GPC6: variants seen among roughly 807,000 people sequenced by gnomAD.
The protein encoded by GPC6 is glypican-6.
GPC6 carries 14 observed loss-of-function variants against 55.2 expected under a neutral mutation model. That is an observed-to-expected ratio of 0.25 (90% CI 0.17 to 0.40). GPC6 has a LOEUF of 0.40. Ranked by LOEUF, GPC6 falls within the 10% of genes least tolerant of loss-of-function variation. The pLI is 1.00. For synonymous variants in GPC6, 278 were observed against 259.6 expected (o/e 1.07, Z -0.68); for missense variants, 641 against 708.5 (o/e 0.90, Z 1.08).
At chr13:94,085,940 A>T (rs1885266208) in intron 4 of GPC6, among the ~76,000 whole-genome samples, 1 of 152,148 alleles carries the variant, frequency 6.6e-6, no homozygotes. Flanking sequence ...TTACTCCTTA[A>T]CTCTCAAAGA....
At chr13:93,909,690 A>G (rs1189415347) in intron 3 of GPC6, among the ~76,000 whole-genome samples, 2 of 149,050 alleles carry the variant, frequency 1.3e-5, no homozygotes, top group Non-Finnish European at 3.0e-5. Flanking sequence ...GTACTCAGAT[A>G]TATTGAATGG....
intron 2 of GPC6, among the ~76,000 whole-genome samples, chr13:93,812,096 C>T (rs1381588494): frequency 1.5e-5 from 2 of 131,874 alleles, no homozygotes; most frequent in East Asian, 2.3e-4. Flanking sequence ...GGGCTGGGTA[C>T]GTTGGCTCAC....
At chr13:93,983,347 G>C (rs755150060) in intron 3 of GPC6, among the ~76,000 whole-genome samples, 1 of 152,106 alleles carries the variant, frequency 6.6e-6, no homozygotes, top group Non-Finnish European at 1.5e-5. Context: ...GATGCTGAGG[G>C]TTGATAACTG....
intron 6 of GPC6, among the ~76,000 whole-genome samples, chr13:94,351,211 TAAAA>T (rs972197513): frequency 6.6e-6 from 1 of 151,804 alleles, no homozygotes; most frequent in African/African-American, 2.4e-5. Context: ...CTCGTAAAAA[TAAAA>T]AGTCATGAGG....
intron 1 of GPC6, among the ~76,000 whole-genome samples, chr13:93,381,586 A>G (rs1294133033): frequency 1.3e-5 from 2 of 152,166 alleles, no homozygotes. Flanking sequence ...TGAGGCATTT[A>G]TAAGGTAAAA....
chr13:94,323,734 C>T (rs1876965555), intron 6 of GPC6, among the ~76,000 whole-genome samples: 1 of 152,138 alleles, frequency 6.6e-6, no homozygotes, highest in Admixed American at 6.5e-5. Context: ...ACCCTTTAAA[C>T]TTATACAAAT....
intron 3 of GPC6, among the ~76,000 whole-genome samples, chr13:93,960,874 G>A (rs909343930): frequency 1.5e-4 from 22 of 148,098 alleles, no homozygotes; most frequent in Admixed American, 4.8e-4. Context: ...GTGCAGTGGC[G>A]CAATCTCGAC....
intron 4 of GPC6, among the ~76,000 whole-genome samples, chr13:94,267,336 C>T (rs145539947): frequency 4.6e-5 from 7 of 152,244 alleles, no homozygotes; most frequent in African/African-American, 1.7e-4. Context: ...TTAGTAAATA[C>T]GTACAGTCTA....
intron 4 of GPC6, among the ~76,000 whole-genome samples, chr13:94,070,846 C>A (rs926048339): frequency 1.3e-5 from 2 of 152,146 alleles, no homozygotes; most frequent in Non-Finnish European, 2.9e-5. Context: ...GCCTCTAGTG[C>A]GTCTCAACAA....
At chr13:94,350,049 T>C (rs1332710877) in intron 6 of GPC6, among the ~76,000 whole-genome samples, 1 of 151,848 alleles carries the variant, frequency 6.6e-6, no homozygotes, top group Non-Finnish European at 1.5e-5. Context: ...AGAAAAAATA[T>C]ATATATATAC....
At chr13:93,236,805 T>C (rs1393949063) in intron 1 of GPC6, among the ~76,000 whole-genome samples, 2 of 152,162 alleles carry the variant, frequency 1.3e-5, no homozygotes, top group East Asian at 1.9e-4. Flanking sequence ...CTCCCACTTA[T>C]TAGTGAAAAC....
intron 4 of GPC6, among the ~76,000 whole-genome samples, chr13:94,177,355 A>T (rs1888812860): frequency 6.6e-6 from 1 of 152,162 alleles, no homozygotes. Context: ...CAAGATAAAG[A>T]TACTGGGAAA....
At chr13:93,385,640 C>T (rs974746609) in intron 1 of GPC6, among the ~76,000 whole-genome samples, 17 of 152,260 alleles carry the variant, frequency 1.1e-4, no homozygotes, top group Admixed American at 5.2e-4. Flanking sequence ...TTGGAGAACA[C>T]GCCTTTCAGT....
chr13:94,040,426 C>T (rs552917248), intron 4 of GPC6, among the ~76,000 whole-genome samples: 137 of 151,944 alleles, frequency 9.0e-4, no homozygotes, highest in Admixed American at 1.8e-3. Flanking sequence ...ATACCAGTGA[C>T]GTTTTTTGAA....
At chr13:93,327,294 A>G (rs560988261) in intron 1 of GPC6, among the ~76,000 whole-genome samples, 41 of 152,258 alleles carry the variant, frequency 2.7e-4, no homozygotes, top group African/African-American at 6.7e-4. Flanking sequence ...CTGCTTTTCC[A>G]GTGTGGTTAT....
intron 1 of GPC6, among the ~76,000 whole-genome samples, chr13:93,244,938 A>G (rs1020219233): frequency 6.6e-6 from 1 of 152,098 alleles, no homozygotes; most frequent in African/African-American, 2.4e-5. Flanking sequence ...CAAAAAAAAA[A>G]CTTCATAATC....
chr13:94,325,543 T>G (rs1441762317), intron 6 of GPC6, among the ~76,000 whole-genome samples: 1 of 152,212 alleles, frequency 6.6e-6, no homozygotes, highest in Non-Finnish European at 1.5e-5. Context: ...GTAAATTATT[T>G]TCGGTTGAAC....
Position 93,911,189 on chromosome 13 carries a change from A to C in GPC6, c.711+80644A>C, listed in dbSNP as rs548674756. 1.6e-4 allele frequency among the ~76,000 whole-genome samples: 24 copies of C among 152,206 alleles called. 1 individual carries two copies. Among genetic ancestry groups the C allele is most frequent in the Admixed American group, 7.9e-4 (12 of 15,286 alleles). On this transcript the variant is annotated intron_variant, in intron 3 of 8. Transcript: ENST00000377047. Reference sequence around the variant, plus strand: ...GAGAGGCATTCACAGGCAAAGTCATAATGACCAGAAAAGAGATCTGATGGA... The same window carrying C: ...GAGAGGCATTCACAGGCAAAGTCATCATGACCAGAAAAGAGATCTGATGGA...
chr13:93,874,803 A>G (rs932178775), intron 3 of GPC6, among the ~76,000 whole-genome samples: 5 of 151,784 alleles, frequency 3.3e-5, no homozygotes, highest in African/African-American at 7.3e-5. Context: ...TTCTCAGATC[A>G]TCTCAGTGGC....
Sources: gnomAD v4.1 joint callset for allele counts (sites outside exome capture counted in the v4.1 genomes callset) on GRCh38, gnomAD v4.1.1 for gene constraint, MANE v1.5 for transcripts, NCBI Gene and HGNC (gene_info 2026-07-23, HGNC 2026-07-21) for gene names.